HYDIN: variants seen among roughly 807,000 people sequenced by gnomAD.
HYDIN encodes the protein HYDIN axonemal central pair apparatus protein, also known as axonemal central pair apparatus protein HYDIN.
In HYDIN, 132 loss-of-function variants were observed where a neutral mutation model predicts 403.9. That is an observed-to-expected ratio of 0.33 (90% CI 0.28 to 0.38). HYDIN has a LOEUF of 0.38. Among genes scored for constraint, HYDIN ranks in the 10% least tolerant of loss-of-function variants. HYDIN has a pLI of 1.00. For synonymous variants in HYDIN, 1,202 were observed against 1,891.7 expected, an observed-to-expected ratio of 0.64 and a Z score of 9.46; for missense variants, 2,827 against 5,009.5, an observed-to-expected ratio of 0.56 and a Z score of 13.15.
intron 10 of HYDIN, among the ~76,000 whole-genome samples, chr16:71,107,428 C>G (rs1437422630): frequency 6.7e-6 from 1 of 150,092 alleles, no homozygotes; most frequent in Non-Finnish European, 1.5e-5. Context: ...ATGCATCTGA[C>G]AAAGATTTAA....
intron 73 of HYDIN, among the ~76,000 whole-genome samples, chr16:70,854,559 C>T (rs1402902279): frequency 2.0e-5 from 3 of 150,692 alleles, no homozygotes; most frequent in African/African-American, 7.3e-5. Context: ...GGATTACAGG[C>T]GCCCGCCAAC....
chr16:70,862,348 G>A (rs567336889), intron 68 of HYDIN, 93 bp from the exon 69 acceptor site: 38 of 640,456 alleles, frequency 5.9e-5, no homozygotes, highest in Admixed American at 2.1e-4. Context: ...GGCCCTCTGC[G>A]GATATGGTGG....
rs1415084530 is a variant in HYDIN, at chr16:71,175,459, C to T, written c.516+148G>A. On this transcript the variant is annotated intron_variant, in intron 5 of 85. Transcript: ENST00000393567. ...GCACTACCACCAATACCACCAACAA[C>T]AACAACACAAATGTCAATACCAAGA... 20 of 850,058 alleles carry T rather than the reference C, an allele frequency of 2.4e-5. No individual in the cohort carries two copies. The East Asian group carries it at 4.8e-4, about 20-fold the overall frequency. The allele number at this position is 850,058 out of a possible 1,614,324, so 52.7% of individuals were successfully genotyped here.
At chr16:71,228,191 C>A (rs957842767) in intron 1 of HYDIN, among the ~76,000 whole-genome samples, 222 of 151,708 alleles carry the variant, frequency 1.5e-3, no homozygotes, top group African/African-American at 5.0e-3. Flanking sequence ...CATGTTAGAC[C>A]TAAAACCATA....
intron 10 of HYDIN, among the ~76,000 whole-genome samples, chr16:71,114,421 C>T (rs1206568002): frequency 6.6e-6 from 1 of 151,300 alleles, no homozygotes; most frequent in African/African-American, 2.4e-5. Context: ...ATTCTTTGAG[C>T]ATTTCCTTAC....
intron 18 of HYDIN, among the ~76,000 whole-genome samples, chr16:71,039,652 G>A (rs1568038786): frequency 6.6e-6 from 1 of 152,202 alleles, no homozygotes; most frequent in Non-Finnish European, 1.5e-5. Context: ...CAGAGAAGAA[G>A]CTGGCTGCAG....
intron 85 of HYDIN, among the ~76,000 whole-genome samples, chr16:70,808,841 T>C (rs2035270546): frequency 6.6e-6 from 1 of 152,182 alleles, no homozygotes; most frequent in South Asian, 2.1e-4. Flanking sequence ...AGGTGATATA[T>C]ACAACTGTCC....
At chr16:70,868,846 C>T (rs1385005558) in intron 65 of HYDIN, 58 bp from the exon 66 acceptor site, 2 of 1,508,382 alleles carry the variant, frequency 1.3e-6, no homozygotes, top group African/African-American at 1.4e-5. Flanking sequence ...ACTCTTGATA[C>T]CTGCTGGTGA....
At chr16:71,098,491 C>T (rs976196042) in intron 10 of HYDIN, among the ~76,000 whole-genome samples, 4 of 151,618 alleles carry the variant, frequency 2.6e-5, no homozygotes, top group African/African-American at 4.8e-5. Context: ...CGTGAGCCAC[C>T]GCGCCCGGCC....
At chr16:71,198,626 A>C (rs2087827962) in intron 1 of HYDIN, among the ~76,000 whole-genome samples, 1 of 152,184 alleles carries the variant, frequency 6.6e-6, no homozygotes, top group South Asian at 2.1e-4. Context: ...GGGTATAAAA[A>C]CCAGGGAGGG....
chr16:71,193,262 T>G (rs987824498), intron 1 of HYDIN, among the ~76,000 whole-genome samples: 14 of 152,228 alleles, frequency 9.2e-5, no homozygotes, highest in Non-Finnish European at 1.3e-4. Context: ...CCAAAACACT[T>G]CTCAGAGGAA....
At chr16:70,940,549 T>A (rs1188329816) in intron 43 of HYDIN, among the ~76,000 whole-genome samples, 8 of 151,716 alleles carry the variant, frequency 5.3e-5, no homozygotes, top group South Asian at 2.1e-4. Flanking sequence ...GAGCCCACAG[T>A]TGAACTGGGA....
At chr16:71,110,431 AAATATATAAATAATAT>A (rs1404166936) in intron 10 of HYDIN, among the ~76,000 whole-genome samples, 1 of 141,282 alleles carries the variant, frequency 7.1e-6, no homozygotes, top group African/African-American at 2.6e-5. Context: ...ATATAATTAT[AAATATATAAATAATAT>A]AATATATAAA....
intron 85 of HYDIN, among the ~76,000 whole-genome samples, chr16:70,809,361 A>G (rs1309202221): frequency 3.3e-5 from 5 of 152,222 alleles, no homozygotes; most frequent in African/African-American, 1.2e-4. Context: ...GGTTGGGGGT[A>G]TTATCCCCAT....
At chr16:70,908,200 G>A in intron 49 of HYDIN, 52 bp downstream of exon 49, 2 of 1,511,686 alleles carry the variant, frequency 1.3e-6, no homozygotes, top group East Asian at 4.5e-5. Context: ...TGCCATGGAG[G>A]AAAATGAAAA....
At chr16:71,056,306 T>G (rs2144253307) in intron 18 of HYDIN, among the ~76,000 whole-genome samples, 1 of 152,090 alleles carries the variant, frequency 6.6e-6, no homozygotes, top group Non-Finnish European at 1.5e-5. Context: ...CTAATCAACT[T>G]TTTTTACACT....
chr16:71,013,553 C>T (rs201566465), intron 23 of HYDIN, among the ~76,000 whole-genome samples: 1 of 151,724 alleles, frequency 6.6e-6, no homozygotes, highest in Non-Finnish European at 1.5e-5. Flanking sequence ...GTGGTGCATG[C>T]GTGGAAGCAG....
chr16:71,055,220 A>G (rs2081840444), intron 18 of HYDIN, among the ~76,000 whole-genome samples: 1 of 152,308 alleles, frequency 6.6e-6, no homozygotes, highest in African/African-American at 2.4e-5. Flanking sequence ...AAGTCAGACC[A>G]CTGGGGCCAG....
chr16:70,861,911 G>T, intron 69 of HYDIN, 137 bp downstream of exon 69: 3 of 761,672 alleles, frequency 3.9e-6, no homozygotes, highest in Non-Finnish European at 5.8e-6. Flanking sequence ...CCTTCCAAAG[G>T]GAAAAGGGAT....
Sources: gnomAD v4.1 joint callset for allele counts (sites outside exome capture counted in the v4.1 genomes callset) on GRCh38, gnomAD v4.1.1 for gene constraint, MANE v1.5 for transcripts, NCBI Gene and HGNC (gene_info 2026-07-23, HGNC 2026-07-21) for gene names.